The following PLBD2 variants were observed in gnomAD, a reference collection of about 807,000 sequenced individuals.
PLBD2 encodes putative aminopeptidase PLBD2.
PLBD2 carries 51 observed loss-of-function variants against 68.3 expected under a neutral mutation model. That is an observed-to-expected ratio of 0.75 (90% confidence interval 0.60 to 0.94). PLBD2 has a LOEUF of 0.94. Among genes scored for constraint, PLBD2 ranks in the 40% least tolerant of loss-of-function variants. PLBD2 has a pLI of 0.00. For missense variants in PLBD2, 729 were observed against 792.2 expected (o/e 0.92, Z 0.96); for synonymous variants, 314 against 339.3 (o/e 0.93, Z 0.82).
At chr12:113,367,717 C>T (rs571036917) in intron 1 of PLBD2, among the ~76,000 whole-genome samples, 1 of 146,954 alleles carries the variant, frequency 6.8e-6, no homozygotes, top group South Asian at 2.1e-4. Context: ...TGCCGCTGCA[C>T]TTCAGCCTGG....
At chr12:113,386,480 A>G (rs1432571185) in intron 9 of PLBD2, among the ~76,000 whole-genome samples, 1 of 145,858 alleles carries the variant, frequency 6.9e-6, no homozygotes, top group Non-Finnish European at 1.5e-5. Flanking sequence ...CAGCCTCCCA[A>G]GTAGCTGGGA....
At chr12:113,368,752 T>C (rs1346514451) in intron 1 of PLBD2, among the ~76,000 whole-genome samples, 1 of 152,086 alleles carries the variant, frequency 6.6e-6, no homozygotes, top group African/African-American at 2.4e-5. Flanking sequence ...TGTAGGATTA[T>C]AGGGGACTCA....
At chr12:113,363,784 G>A (rs1056556567) in intron 1 of PLBD2, among the ~76,000 whole-genome samples, 4 of 151,982 alleles carry the variant, frequency 2.6e-5, no homozygotes, top group East Asian at 1.9e-4. Flanking sequence ...TGATCCACCC[G>A]CCTCAGCCTC....
intron 5 of PLBD2, 143 bp downstream of exon 5, chr12:113,375,150 GT>G: frequency 6.2e-6 from 5 of 809,466 alleles, no homozygotes; most frequent in Non-Finnish European, 9.7e-6. Flanking sequence ...TTTTGGTTTT[GT>G]TTTTTTCTTT....
intron 5 of PLBD2, among the ~76,000 whole-genome samples, chr12:113,380,148 T>A (rs928736812): frequency 6.6e-6 from 1 of 151,942 alleles, no homozygotes; most frequent in African/African-American, 2.4e-5. Flanking sequence ...TATTTATTTA[T>A]TTTTTTTAGA....
intron 1 of PLBD2, among the ~76,000 whole-genome samples, chr12:113,361,193 C>T (rs1337253074): frequency 2.0e-5 from 3 of 151,914 alleles, no homozygotes; most frequent in Non-Finnish European, 4.4e-5. Flanking sequence ...GGATTTGATG[C>T]CTCTGTTCAC....
chr12:113,384,739 CAACCCCAGGCCCACTTCCT>C lies in PLBD2; in HGVS notation c.1119-111_1119-93del. 1.2e-6 allele frequency: 1 copy of C among 815,314 alleles called. No individual in the cohort carries two copies. The highest frequency in any genetic ancestry group is 2.0e-6 in the Non-Finnish European group (1 of 497,906). The allele number at this position is 815,314 out of a possible 1,614,324, so 50.5% of individuals were successfully genotyped here. The stretch of plus-strand genomic sequence containing the variant: ...TCAGGGTGTCAGTTGAATGGCTGGA[CAACCCCAGGCCCACTTCCT>C]GTAATTCCTAGCTGAGTGGGACACT... On this transcript the variant is annotated intron_variant, in intron 7 of 11. Transcript: ENST00000280800. The surrounding 1 kb of genome is among the most constrained non-coding windows in gnomAD (Gnocchi z 4.2).
rs1335851204 is a variant in PLBD2, at chr12:113,372,475, C to T, written c.385-174C>T. ...GGCAACTTCCAGGGGCCTGGGGTCCCTATCCGGGGCAGAGCTGGGCAGGGA... is the reference window on the plus strand; with the variant it reads ...GGCAACTTCCAGGGGCCTGGGGTCCTTATCCGGGGCAGAGCTGGGCAGGGA... On this transcript the variant is annotated intron_variant, in intron 2 of 11. Coordinates refer to ENST00000280800, the MANE Select transcript of PLBD2 (RefSeq NM_173542.4). The surrounding 1 kb of genome is among the most constrained non-coding windows in gnomAD (Gnocchi z 4.2). Among the ~76,000 whole-genome samples the T allele has an allele frequency of 1.3e-5, 2 of 152,134 alleles. No individual in the cohort carries two copies. Among genetic ancestry groups the T allele is most frequent in the East Asian group, 3.9e-4 (2 of 5,174 alleles).
chr12:113,385,106 T>G, intron 8 of PLBD2, 106 bp from the exon 9 acceptor site: 1 of 1,367,552 alleles, frequency 7.3e-7, no homozygotes, highest in Non-Finnish European at 1.0e-6. Flanking sequence ...CAGGACTTAA[T>G]CCATCCTCCA....
In PLBD2 at chr12:113,372,523, A is replaced by G; in HGVS notation, c.385-126A>G. On this transcript the variant is annotated intron_variant, in intron 2 of 11. Transcript: ENST00000280800. The surrounding 1 kb of genome is among the most constrained non-coding windows in gnomAD (Gnocchi z 4.2). ...GGAGAGGAGCCTCCAGGGAGAGGAC[A>G]GCATGAGCAAGGACTCAGGTGGCCA... is the stretch of plus-strand genomic sequence containing the variant. 1.0e-6 allele frequency: 1 copy of G among 1,002,188 alleles called. No homozygotes were observed. 62.1% of individuals were successfully genotyped at this position (1,002,188 alleles called of 1,614,324 possible).
rs1198896773 is a variant in PLBD2, at chr12:113,384,853, A to G, written c.1121A>G (p.Tyr374Cys). 3.7e-6 allele frequency: 6 copies of G among 1,613,900 alleles called. No homozygotes were observed. The highest frequency in any genetic ancestry group is 1.7e-5 in the Admixed American group (1 of 60,014). ...DIFKRFNSGT[Y>C]NNQWMIVDYK... ...TCCTCCCTTCCCCTGCCCGGCAGGTATAACAACCAGTGGATGATCGTGGAC... is the reference window on the plus strand; with the variant it reads ...TCCTCCCTTCCCCTGCCCGGCAGGTGTAACAACCAGTGGATGATCGTGGAC... The change falls in exon 8 of 12, where the codon TAT (tyrosine) becomes TGT (cysteine). Residue 374 changes from tyrosine to cysteine, a missense_variant and splice_region_variant. Physicochemically the swap from Tyr to Cys is radical, Grantham distance 194. Transcript: ENST00000280800. The surrounding 1 kb of genome is among the most constrained non-coding windows in gnomAD (Gnocchi z 4.2).
rs199700403 is a variant in PLBD2, at chr12:113,388,545, C to T, written c.1689C>T (p.Ser563=). 56 of 1,611,430 alleles carry T rather than the reference C, an allele frequency of 3.5e-5. No homozygotes were observed. Among genetic ancestry groups the T allele is most frequent in the Non-Finnish European group, 4.1e-5 (48 of 1,178,816 alleles). The change falls in exon 12 of 12, where the codon AGC becomes AGT. Residue 563 remains serine (S), a synonymous_variant. Coordinates refer to ENST00000280800, the MANE Select transcript of PLBD2 (RefSeq NM_173542.4). ...TWDQVPPFQW[S]TSPFSGLLHM... The stretch of plus-strand genomic sequence containing the variant: ...ACCAGGTGCCCCCGTTCCAGTGGAG[C>T]ACCTCGCCCTTCAGCGGCCTGCTGC...
In PLBD2 at chr12:113,384,198, G is replaced by C. The variant is rs555908915; in HGVS notation, c.1051G>C (p.Val351Leu). 3 of 1,613,748 alleles carry C rather than the reference G, an allele frequency of 1.9e-6. No individual in the cohort carries two copies. Among genetic ancestry groups the C allele is most frequent in the Admixed American group, 1.7e-5 (1 of 59,984 alleles). The change falls in exon 7 of 12, where the codon GTG becomes CTG. Residue 351 changes from valine to leucine, a missense_variant. Val to Leu is a conservative substitution (Grantham distance 32, BLOSUM62 1). Transcript: ENST00000280800. The surrounding 1 kb of genome is among the most constrained non-coding windows in gnomAD (Gnocchi z 4.2). ...TGTGCTGGAGTGGGTACGCAACATC[G>C]TGGCCAACCGCCTGGCCTCGGATGG... ...GCVLEWVRNI[V>L]ANRLASDGAT...
chr12:113,380,796 G>A lies in PLBD2; in HGVS notation c.911G>A (p.Gly304Asp). The stretch of plus-strand genomic sequence containing the variant: ...AAGCTGGTCTTCTCCTCCTACCCCG[G>A]CACCATCTTCTCCTGCGACGACTTC... The part of the protein sequence containing the change: ...GNKLVFSSYP[G>D]TIFSCDDFYI... Residue 304 changes from glycine (G) to aspartate (D), a missense_variant, in exon 6 of 12, where the codon GGC (glycine) becomes GAC (aspartate). Gly to Asp is a moderately conservative substitution (Grantham distance 94). Coordinates refer to ENST00000280800, the MANE Select transcript of PLBD2 (RefSeq NM_173542.4). 2 of 1,556,946 alleles carry A rather than the reference G, an allele frequency of 1.3e-6. No homozygotes were observed. Among genetic ancestry groups the A allele is most frequent in the East Asian group, 2.4e-5 (1 of 41,780 alleles).
intron 1 of PLBD2, among the ~76,000 whole-genome samples, chr12:113,361,718 G>A (rs1938412510): frequency 6.6e-6 from 1 of 151,996 alleles, no homozygotes; most frequent in Non-Finnish European, 1.5e-5. Flanking sequence ...TTTATGATTT[G>A]GTGCTTGGAG....
rs1450936569 is a variant in PLBD2, at chr12:113,372,209, A to G, written c.385-440A>G. ...CTCATGCAGGTGGCATCTCGGTGGGAAGTGCAGAGGGCCGCATGAAGTCTG... is the reference window on the plus strand; with the variant it reads ...CTCATGCAGGTGGCATCTCGGTGGGGAGTGCAGAGGGCCGCATGAAGTCTG... On this transcript the variant is annotated intron_variant, in intron 2 of 11. Transcript: ENST00000280800. This position sits in a 1 kb window ranked among gnomAD's most constrained non-coding sequence, Gnocchi z 4.2. Among the ~76,000 whole-genome samples the G allele has an allele frequency of 6.8e-6, 1 of 147,110 alleles. No homozygotes were observed. Among genetic ancestry groups the G allele is most frequent in the African/African-American group, 2.5e-5 (1 of 39,718 alleles).
In PLBD2 at chr12:113,380,797, C is replaced by T. The variant is rs1171010729; in HGVS notation, c.912C>T (p.Gly304=). 51 of 1,557,050 alleles carry T rather than the reference C, an allele frequency of 3.3e-5. No homozygotes were observed. The highest frequency in any genetic ancestry group is 4.1e-5 in the Non-Finnish European group (47 of 1,150,174). Residue 304 remains glycine, a synonymous_variant, in exon 6 of 12, where the codon GGC becomes GGT. Coordinates refer to ENST00000280800, the MANE Select transcript of PLBD2 (RefSeq NM_173542.4). The part of the protein sequence containing the change: ...GNKLVFSSYP[G]TIFSCDDFYI... ...AGCTGGTCTTCTCCTCCTACCCCGG[C>T]ACCATCTTCTCCTGCGACGACTTCT...
At chr12:113,363,309 G>A (rs1957312241) in intron 1 of PLBD2, among the ~76,000 whole-genome samples, 1 of 152,092 alleles carries the variant, frequency 6.6e-6, no homozygotes, top group African/African-American at 2.4e-5. Context: ...GGTGGTGCGT[G>A]CCTGTAGTTC....
Position 113,374,794 on chromosome 12 carries a change from C to G in PLBD2, c.646C>G (p.Leu216Val). 6.2e-7 allele frequency: 1 copy of G among 1,613,718 alleles called. No individual in the cohort carries two copies. Among genetic ancestry groups the G allele is most frequent in the Non-Finnish European group, 8.5e-7 (1 of 1,180,024 alleles). The change falls in exon 5 of 12, where the codon CTG becomes GTG. Residue 216 changes from leucine to valine, a missense_variant and splice_region_variant. By Grantham distance (32) the Leu-to-Val change is conservative. Transcript: ENST00000280800. ...CTCTGATGCCCTGGCCCTCCTCAGC[C>G]TGCTGCAGCTCTCTGGGGACCTGGA... ...KFTIKPLGFLLLQLSGDLEDL... is the reference protein window; with the variant it reads ...KFTIKPLGFLVLQLSGDLEDL...
Sources: gnomAD v4.1 joint callset for allele counts (sites outside exome capture counted in the v4.1 genomes callset) on GRCh38, gnomAD v4.1.1 for gene constraint, Gnocchi (gnomAD v3.1) non-coding constraint, MANE v1.5 for transcripts, NCBI Gene and HGNC (gene_info 2026-07-23, HGNC 2026-07-21) for gene names.